STX6: variants seen among roughly 807,000 people sequenced by gnomAD.
STX6 encodes the protein syntaxin-6.
A neutral mutation model predicts 38.0 loss-of-function variants in STX6; 23 were observed. The observed-to-expected ratio is 0.60, with a 90% CI of 0.43 to 0.86. STX6 has a LOEUF of 0.86. Among genes scored for constraint, STX6 ranks in the 40% least tolerant of loss-of-function variants. The pLI is 0.00. For synonymous variants in STX6, 123 were observed against 107.5 expected, an observed-to-expected ratio of 1.14 and a Z score of -0.89; for missense variants, 274 against 312.9, an observed-to-expected ratio of 0.88 and a Z score of 0.94.
At chr1:180,985,868 C>T (rs1189680122) in intron 6 of STX6, among the ~76,000 whole-genome samples, 1 of 152,190 alleles carries the variant, frequency 6.6e-6, no homozygotes. Flanking sequence ...TGATCTGTGC[C>T]CACAATAGAC....
intron 3 of STX6, among the ~76,000 whole-genome samples, chr1:180,996,525 T>C (rs529566481): frequency 6.6e-6 from 1 of 152,322 alleles, no homozygotes; most frequent in South Asian, 2.1e-4. Context: ...TCTGATACTC[T>C]ATCAGAAATA....
intron 1 of STX6, among the ~76,000 whole-genome samples, chr1:181,013,597 T>A (rs1385032726): frequency 6.6e-6 from 1 of 152,230 alleles, no homozygotes; most frequent in Admixed American, 6.5e-5. Context: ...TTTTGATTTA[T>A]CCTTTCTTCT....
At chr1:181,012,056 T>C (rs2102329917) in intron 1 of STX6, among the ~76,000 whole-genome samples, 1 of 152,324 alleles carries the variant, frequency 6.6e-6, no homozygotes, top group South Asian at 2.1e-4. Flanking sequence ...ACCCAGAACT[T>C]TCCATGAGAG....
At chr1:180,979,571 T>C (rs1477878917) in intron 7 of STX6, among the ~76,000 whole-genome samples, 1 of 152,170 alleles carries the variant, frequency 6.6e-6, no homozygotes, top group Admixed American at 6.5e-5. Flanking sequence ...AAATGTAAAA[T>C]GCAAAATTAT....
chr1:181,016,824 T>C (rs901758533), intron 1 of STX6, among the ~76,000 whole-genome samples: 2 of 152,170 alleles, frequency 1.3e-5, no homozygotes, highest in Non-Finnish European at 2.9e-5. Flanking sequence ...CGGTGGCTCA[T>C]GCCTGTAATC....
chr1:180,991,360 A>G, intron 4 of STX6, among the ~76,000 whole-genome samples: 1 of 152,060 alleles, frequency 6.6e-6, no homozygotes, highest in African/African-American at 2.4e-5. Flanking sequence ...TAGGGCTATC[A>G]AGACTGAAAA....
At chr1:180,979,546 T>G (rs1264797365) in intron 7 of STX6, among the ~76,000 whole-genome samples, 1 of 152,192 alleles carries the variant, frequency 6.6e-6, no homozygotes. Flanking sequence ...TAACTCAAAA[T>G]GTATCCACAG....
chr1:180,990,869 T>C (rs889212609), intron 4 of STX6, among the ~76,000 whole-genome samples: 2 of 152,174 alleles, frequency 1.3e-5, no homozygotes, highest in Non-Finnish European at 2.9e-5. Flanking sequence ...CTTCCTCACA[T>C]GAAGAAGACA....
At chr1:181,000,525 A>G (rs1656050546) in intron 3 of STX6, among the ~76,000 whole-genome samples, 1 of 152,168 alleles carries the variant, frequency 6.6e-6, no homozygotes, top group African/African-American at 2.4e-5. Flanking sequence ...AACTGCCCCC[A>G]TGATTCAATT....
intron 7 of STX6, among the ~76,000 whole-genome samples, chr1:180,981,793 C>A (rs907446663): frequency 2.0e-5 from 3 of 152,124 alleles, no homozygotes; most frequent in Non-Finnish European, 4.4e-5. Flanking sequence ...CAGCACTTCC[C>A]GCAGAGGCTT....
chr1:181,002,363 G>A (rs886938999), intron 3 of STX6, among the ~76,000 whole-genome samples: 6 of 151,368 alleles, frequency 4.0e-5, no homozygotes, highest in East Asian at 3.9e-4. Context: ...CATGTTGCCC[G>A]GACTGGTTTC....
chr1:180,976,629 C>G lies in STX6; in HGVS notation c.709G>C (p.Ala237Pro). 2 of 1,613,604 alleles carry G rather than the reference C, an allele frequency of 1.2e-6. No homozygotes were observed. The highest frequency in any genetic ancestry group is 1.7e-6 in the Non-Finnish European group (2 of 1,180,004). ...AGGACTGCAAAGAGGATGGCTATGG[C>G]ACACCATTGGCGCCGATCTGGAAGG... Reference protein sequence around the residue: ...HMTSDRRQWCAIAILFAVLLV... With the variant: ...HMTSDRRQWCPIAILFAVLLV... Residue 237 changes from alanine (A) to proline (P), a missense_variant, in exon 8 of 8, where the codon GCC becomes CCC. Coordinates refer to ENST00000258301, the MANE Select transcript of STX6 (RefSeq NM_005819.6).
rs1158021822 is a variant in STX6 at position 180,975,933 on chromosome 1, A to G, written c.*637T>C. 6.6e-6 allele frequency: 1 copy of G among 152,498 alleles called. No homozygotes were observed. The highest frequency in any genetic ancestry group is 1.9e-4 in the East Asian group (1 of 5,196). The allele number at this position is 152,498 out of a possible 1,614,324, so 9.4% of individuals were successfully genotyped here. Reference sequence around the variant, plus strand: ...CCCCCAAACCCCAGGGTGTTTCATTATTTTCCATTAGTTATTCTTACCACA... The same window carrying G: ...CCCCCAAACCCCAGGGTGTTTCATTGTTTTCCATTAGTTATTCTTACCACA... On this transcript the variant is annotated 3_prime_UTR_variant, in exon 8 of 8. Transcript: ENST00000258301.
chr1:180,977,836 AAAT>A (rs1454509496), intron 7 of STX6, among the ~76,000 whole-genome samples: 5 of 152,258 alleles, frequency 3.3e-5, no homozygotes, highest in Non-Finnish European at 5.9e-5. Context: ...AAATTATTTT[AAAT>A]ATTATGGATA....
intron 1 of STX6, among the ~76,000 whole-genome samples, chr1:181,005,829 TTAA>T (rs1183303945): frequency 6.6e-6 from 1 of 152,168 alleles, no homozygotes; most frequent in African/African-American, 2.4e-5. Context: ...TGTGACAGTA[TTAA>T]TAATTTATAC....
intron 3 of STX6, among the ~76,000 whole-genome samples, chr1:180,998,305 T>C (rs936944621): frequency 6.6e-6 from 1 of 152,180 alleles, no homozygotes; most frequent in African/African-American, 2.4e-5. Context: ...ATTCCTCCAA[T>C]AGCCCTGTGG....
Position 181,016,013 on chromosome 1 carries a change from C to T in STX6, c.35+6626G>A, listed in dbSNP as rs1370555587. On this transcript the variant is annotated intron_variant, in intron 1 of 7. Coordinates refer to ENST00000258301, the MANE Select transcript of STX6 (RefSeq NM_005819.6). The stretch of plus-strand genomic sequence containing the variant: ...AGATCTGGGTTTGAACCCTTAAAAG[C>T]TGACTATAAGCAAGTGAATAGTAAC... Among the ~76,000 whole-genome samples, 4 of 152,202 alleles carry T rather than the reference C, an allele frequency of 2.6e-5. No homozygotes were observed. In the East Asian group the frequency reaches 7.7e-4, roughly 29 times the overall value.
chr1:180,997,167 T>C (rs1372402746), intron 3 of STX6, among the ~76,000 whole-genome samples: 4 of 152,194 alleles, frequency 2.6e-5, no homozygotes, highest in African/African-American at 9.7e-5. Flanking sequence ...TTTAGAATCA[T>C]TGTAGGGATT....
intron 6 of STX6, 42 bp from the exon 7 acceptor site, chr1:180,984,813 G>C: frequency 2.1e-6 from 2 of 959,586 alleles, no homozygotes; most frequent in South Asian, 1.3e-5. Context: ...TAAGCACAAA[G>C]CCTTGGCAGT....
Sources: allele counts gnomAD v4.1 joint callset (sites outside exome capture counted in the v4.1 genomes callset), GRCh38; gene constraint gnomAD v4.1.1; transcripts MANE v1.5; gene names NCBI Gene and HGNC (gene_info 2026-07-23, HGNC 2026-07-21).